Variants in NELL2 observed in about 807,000 individuals in gnomAD.
NELL2 encodes the protein protein kinase C-binding protein NELL2.
A neutral mutation model predicts 109.6 loss-of-function variants in NELL2; 41 were observed. That is an observed-to-expected ratio of 0.37 (90% confidence interval 0.29 to 0.49). The LOEUF is 0.49. NELL2 is among the 20% of genes least tolerant of loss of function. The pLI is 0.98. For missense variants in NELL2, 900 were observed against 1,008.3 expected (o/e 0.89, Z 1.45); for synonymous variants, 355 against 344.7 (o/e 1.03, Z -0.33).
intron 9 of NELL2, among the ~76,000 whole-genome samples, chr12:44,755,655 G>C (rs1940856897): frequency 6.6e-6 from 1 of 152,006 alleles, no homozygotes; most frequent in Non-Finnish European, 1.5e-5. Context: ...TATTCTTCCA[G>C]GTGGCCTCAA....
At chr12:44,858,438 A>G (rs544291093) in intron 2 of NELL2, among the ~76,000 whole-genome samples, 94 of 152,330 alleles carry the variant, frequency 6.2e-4, no homozygotes, top group African/African-American at 2.1e-3. Flanking sequence ...AAGAATGAAG[A>G]CTATTAGCAG....
At position 44,833,332 on chromosome 12, in the gene NELL2, T is replaced by C. The variant is rs188583486; in HGVS notation, c.185-17196A>G. On this transcript the variant is annotated intron_variant, in intron 2 of 19. Transcript: ENST00000429094. ...ATTTGACATCTCATATCCCATCTTC[T>C]TGACAGTTCTCTCCCTTTCATGATA... 2.4e-3 allele frequency among the ~76,000 whole-genome samples: 361 copies of C among 151,934 alleles called. 1 individual carries two copies. Among genetic ancestry groups the C allele is most frequent in the Middle Eastern group, 0.014 (4 of 294 alleles).
chr12:44,607,437 G>A (rs555697625), intron 14 of NELL2, among the ~76,000 whole-genome samples, 173 bp from the exon 15 acceptor site: 1 of 152,118 alleles, frequency 6.6e-6, no homozygotes, highest in South Asian at 2.1e-4. Flanking sequence ...AACACAACTT[G>A]TAAAACAGTA....
intron 15 of NELL2, among the ~76,000 whole-genome samples, chr12:44,576,712 C>T (rs980840753): frequency 3.3e-5 from 5 of 152,138 alleles, no homozygotes; most frequent in Admixed American, 6.5e-5. Flanking sequence ...CACCCCACAA[C>T]AGTCCCCAGA....
At chr12:44,908,218 G>A (rs747894756) in intron 1 of NELL2, among the ~76,000 whole-genome samples, 2 of 151,954 alleles carry the variant, frequency 1.3e-5, no homozygotes, top group African/African-American at 2.4e-5. Context: ...AGCCTAGGAA[G>A]CTATGTGGTA....
At chr12:44,888,945 G>A (rs552833457) in intron 1 of NELL2, among the ~76,000 whole-genome samples, 19 of 152,084 alleles carry the variant, frequency 1.2e-4, no homozygotes, top group South Asian at 1.0e-3. Flanking sequence ...CTCTGGGGTC[G>A]AGTCCCTGTC....
At chr12:44,876,327 C>T (rs1003145056), upstream of NELL2, 5 of 1,164,012 alleles carry the variant, frequency 4.3e-6, no homozygotes, top group South Asian at 3.2e-5. Flanking sequence ...GAGAAAGCTC[C>T]GGGAGACGCG....
At chr12:44,754,280 A>T (rs1306369728) in intron 9 of NELL2, among the ~76,000 whole-genome samples, 1 of 152,212 alleles carries the variant, frequency 6.6e-6, no homozygotes, top group African/African-American at 2.4e-5. Flanking sequence ...GTGGCAAAAG[A>T]ATTACAATGA....
rs905138224 is a variant in NELL2, at chr12:44,627,525, T to A, written c.1445-16555A>T. ...TACAACGAACTTATTACTTATTTCA[T>A]TTCAACTATAAAGACACTTGAGAAT... On this transcript the variant is annotated intron_variant, in intron 13 of 19. Transcript: ENST00000429094. Among the ~76,000 whole-genome samples, 5 of 151,982 alleles carry A rather than the reference T, an allele frequency of 3.3e-5. No homozygotes were observed. The East Asian group carries it at 7.7e-4, about 24-fold the overall frequency.
intron 15 of NELL2, among the ~76,000 whole-genome samples, chr12:44,560,922 A>T (rs990238080): frequency 1.3e-5 from 2 of 152,214 alleles, no homozygotes; most frequent in Non-Finnish European, 2.9e-5. Flanking sequence ...CCGGATGCAA[A>T]AATCCTCAAT....
At chr12:44,786,991 A>G (rs1942203130) in intron 3 of NELL2, among the ~76,000 whole-genome samples, 1 of 152,164 alleles carries the variant, frequency 6.6e-6, no homozygotes, top group Admixed American at 6.6e-5. Flanking sequence ...ATGTATACCT[A>G]TGTAACAAAC....
chr12:44,898,317 C>T (rs1324524001), intron 1 of NELL2, among the ~76,000 whole-genome samples: 1 of 152,196 alleles, frequency 6.6e-6, no homozygotes, highest in Admixed American at 6.5e-5. Flanking sequence ...GGAGAGACAC[C>T]TCCCAGCAGG....
At position 44,526,853 on chromosome 12, in the gene NELL2, T is replaced by C. The variant is rs549568330; in HGVS notation, c.1805-3369A>G. 5.3e-5 allele frequency among the ~76,000 whole-genome samples: 8 copies of C among 152,244 alleles called. No individual in the cohort carries two copies. In the East Asian group the frequency reaches 1.4e-3, roughly 26 times the overall value. On this transcript the variant is annotated intron_variant, in intron 16 of 19. Transcript: ENST00000429094. ...TTCAGTAAGTAGTTGGATATGTGTG[T>C]GGGGGGCTCAGAAAATAGGATTGGG... is the stretch of plus-strand genomic sequence containing the variant.
In NELL2 at chr12:44,796,465, C is replaced by T. The variant is rs114908329; in HGVS notation, c.336-16443G>A. ...TTTTAATTTTAAATAATTTTTCTTA[C>T]ATTAAGCCCTAAAGAAAAGAGGTTT... On this transcript the variant is annotated intron_variant, in intron 3 of 19. Transcript: ENST00000429094. Among the ~76,000 whole-genome samples, 1,518 of 152,122 alleles carry T rather than the reference C, an allele frequency of 1.0e-2. 19 individuals are homozygous for T. Among genetic ancestry groups the T allele is most frequent in the African/African-American group, 0.034 (1,413 of 41,530 alleles).
chr12:44,721,084 G>A (rs1481070140), intron 9 of NELL2, among the ~76,000 whole-genome samples: 2 of 152,210 alleles, frequency 1.3e-5, no homozygotes, highest in African/African-American at 4.8e-5. Context: ...TGTATATGCT[G>A]AGGAAACAAA....
chr12:44,783,903 T>C (rs1380375571), intron 3 of NELL2, among the ~76,000 whole-genome samples: 1 of 151,938 alleles, frequency 6.6e-6, no homozygotes, highest in East Asian at 1.9e-4. Flanking sequence ...GCTCCCTGAG[T>C]ATATACATAA....
At chr12:44,860,672 AT>A (rs1313141756) in intron 2 of NELL2, among the ~76,000 whole-genome samples, 4 of 149,888 alleles carry the variant, frequency 2.7e-5, no homozygotes, top group Non-Finnish European at 5.9e-5. Flanking sequence ...GCCCCTTGTG[AT>A]TACATTGGGC....
chr12:44,591,809 A>T (rs900160707), intron 15 of NELL2, among the ~76,000 whole-genome samples: 2 of 152,178 alleles, frequency 1.3e-5, no homozygotes, highest in African/African-American at 4.8e-5. Flanking sequence ...GAGGTGATGG[A>T]TATGCTAATT....
chr12:44,780,903 T>G (rs577656976), intron 3 of NELL2, among the ~76,000 whole-genome samples: 13 of 152,220 alleles, frequency 8.5e-5, no homozygotes, highest in Non-Finnish European at 1.8e-4. Flanking sequence ...TCCCTTCCCC[T>G]GACAAAGCAG....
Sources: allele counts gnomAD v4.1 joint callset (sites outside exome capture counted in the v4.1 genomes callset), GRCh38; gene constraint gnomAD v4.1.1; transcripts MANE v1.5; gene names NCBI Gene and HGNC (gene_info 2026-07-23, HGNC 2026-07-21).